Variants in NALF1 observed in about 807,000 individuals in gnomAD.
NALF1 encodes the protein NALCN channel auxiliary factor 1.
In NALF1, 3 loss-of-function variants were observed where a neutral mutation model predicts 48.4. The observed-to-expected ratio is 0.06, with a 90% confidence interval of 0.03 to 0.16. The LOEUF (loss-of-function observed/expected upper bound fraction) is 0.16. Among genes scored for constraint, NALF1 ranks in the 10% least tolerant of loss-of-function variants. The pLI, the probability that NALF1 is intolerant of heterozygous loss-of-function variation, is 1.00. For synonymous variants in NALF1, 262 were observed against 245.7 expected (o/e 1.07, Z -0.62); for missense variants, 526 against 571.5 (o/e 0.92, Z 0.81).
At chr13:107,336,893 T>C (rs1882568032) in intron 1 of NALF1, among the ~76,000 whole-genome samples, 1 of 152,030 alleles carries the variant, frequency 6.6e-6, no homozygotes, top group Non-Finnish European at 1.5e-5. Context: ...CTGTTTCTAA[T>C]CAATATTAAT....
At chr13:107,385,552 CAAA>C (rs201307018) in intron 1 of NALF1, among the ~76,000 whole-genome samples, 301 of 118,138 alleles carry the variant, frequency 2.5e-3, no homozygotes, top group Admixed American at 2.2e-3. Context: ...GATTCCATCT[CAAA>C]AAAAAAAAAA....
chr13:107,473,734 C>T (rs1191505084), intron 1 of NALF1, among the ~76,000 whole-genome samples: 3 of 152,264 alleles, frequency 2.0e-5, no homozygotes, highest in African/African-American at 7.2e-5. Flanking sequence ...GCCCTTCCAC[C>T]CTGCTCCCTG....
At chr13:107,171,944 T>A (rs1878814340) in intron 2 of NALF1, among the ~76,000 whole-genome samples, 1 of 152,150 alleles carries the variant, frequency 6.6e-6, no homozygotes, top group Admixed American at 6.5e-5. Flanking sequence ...AACATGAAAA[T>A]TTGGGCTGCT....
At chr13:107,678,684 T>G (rs1231038194) in intron 1 of NALF1, among the ~76,000 whole-genome samples, 2 of 152,202 alleles carry the variant, frequency 1.3e-5, no homozygotes, top group Non-Finnish European at 2.9e-5. Context: ...AAACTCACAA[T>G]CATGGTGGAA....
rs1026021919 is a variant in NALF1 at position 107,292,930 on chromosome 13, A to G, written c.916-82175T>C. Among the ~76,000 whole-genome samples the G allele has an allele frequency of 6.6e-5, 10 of 152,156 alleles. 1 individual carries two copies. The South Asian group carries it at 1.0e-3, about 16-fold the overall frequency. On this transcript the variant is annotated intron_variant, in intron 1 of 2. Transcript: ENST00000375915. ...GAGTGATGCCTTGTGCTACAACATT[A>G]CAATGGCTAAGACGTCACTAGGCAA...
intron 1 of NALF1, among the ~76,000 whole-genome samples, chr13:107,451,101 G>A (rs1884732025): frequency 6.6e-6 from 1 of 152,200 alleles, no homozygotes; most frequent in East Asian, 1.9e-4. Context: ...GTGCTCCACT[G>A]AGTCGACCCC....
At chr13:107,697,602 T>G (rs541340561) in intron 1 of NALF1, among the ~76,000 whole-genome samples, 12 of 152,228 alleles carry the variant, frequency 7.9e-5, no homozygotes, top group African/African-American at 2.9e-4. Context: ...CCTGAAAATT[T>G]TATTGGTTTG....
At chr13:107,606,521 G>A (rs1469486523) in intron 1 of NALF1, among the ~76,000 whole-genome samples, 1 of 151,876 alleles carries the variant, frequency 6.6e-6, no homozygotes, top group Admixed American at 6.6e-5. Flanking sequence ...GCCAGCCACA[G>A]TGCCCAGCTA....
intron 1 of NALF1, among the ~76,000 whole-genome samples, chr13:107,623,715 C>T (rs999685097): frequency 1.3e-5 from 2 of 152,160 alleles, no homozygotes; most frequent in Non-Finnish European, 2.9e-5. Context: ...CTCAACATCT[C>T]TCAAGAAACC....
At chr13:107,493,267 T>C (rs1388200824) in intron 1 of NALF1, among the ~76,000 whole-genome samples, 1 of 152,142 alleles carries the variant, frequency 6.6e-6, no homozygotes. Context: ...GAAATCTTTG[T>C]ACAATAAGAA....
chr13:107,485,715 G>A (rs1206984535), intron 1 of NALF1, among the ~76,000 whole-genome samples: 1 of 152,130 alleles, frequency 6.6e-6, no homozygotes, highest in Non-Finnish European at 1.5e-5. Flanking sequence ...AAGAAATATA[G>A]ATGCATCTGT....
chr13:107,326,722 A>G (rs1882372374), intron 1 of NALF1, among the ~76,000 whole-genome samples: 1 of 152,220 alleles, frequency 6.6e-6, no homozygotes, highest in African/African-American at 2.4e-5. Flanking sequence ...GCAGGGACAG[A>G]ATATAAGAAA....
chr13:107,413,556 T>C (rs1467950063), intron 1 of NALF1, among the ~76,000 whole-genome samples: 1 of 152,190 alleles, frequency 6.6e-6, no homozygotes, highest in Non-Finnish European at 1.5e-5. Context: ...TTACACGATG[T>C]GTAATAGGTG....
intron 1 of NALF1, among the ~76,000 whole-genome samples, chr13:107,266,045 G>A (rs2138858368): frequency 6.6e-6 from 1 of 152,272 alleles, no homozygotes; most frequent in East Asian, 1.9e-4. Flanking sequence ...CCTAAGATCA[G>A]TAAAGAAGAC....
chr13:107,304,047 G>A (rs921986268), intron 1 of NALF1, among the ~76,000 whole-genome samples: 6 of 152,008 alleles, frequency 3.9e-5, no homozygotes, highest in Admixed American at 2.0e-4. Context: ...GAACCATATC[G>A]TTTAGCCTAC....
intron 1 of NALF1, among the ~76,000 whole-genome samples, chr13:107,782,408 T>C (rs1387802760): frequency 6.6e-6 from 1 of 152,020 alleles, no homozygotes; most frequent in African/African-American, 2.4e-5. Flanking sequence ...CGCTACAACC[T>C]CCACCTCCCA....
intron 1 of NALF1, among the ~76,000 whole-genome samples, chr13:107,294,488 A>G (rs1881688250): frequency 6.6e-6 from 1 of 152,364 alleles, no homozygotes; most frequent in East Asian, 1.9e-4. Flanking sequence ...CACTGCTACA[A>G]ACAAGAGCTA....
chr13:107,435,724 CT>C lies in NALF1; in HGVS notation c.916-224970del. On this transcript the variant is annotated intron_variant, in intron 1 of 2. Transcript: ENST00000375915. ...CAATTTGATGCCTGAGATGTGGGAA[CT>C]TTTGATAAGTATTTACATCTTTCAT... 1.4e-5 allele frequency among the ~76,000 whole-genome samples: 2 copies of C among 145,562 alleles called. 1 individual carries two copies. Among genetic ancestry groups the C allele is most frequent in the South Asian group, 4.5e-4 (2 of 4,400 alleles).
intron 2 of NALF1, among the ~76,000 whole-genome samples, chr13:107,172,440 TTTAA>T (rs1249894027): frequency 1.3e-5 from 2 of 152,212 alleles, no homozygotes; most frequent in Admixed American, 6.5e-5. Flanking sequence ...TACCTATTTA[TTTAA>T]TTAAAAATAA....
Sources: gnomAD v4.1 joint callset for allele counts (sites outside exome capture counted in the v4.1 genomes callset) on GRCh38, gnomAD v4.1.1 for gene constraint, MANE v1.5 for transcripts, NCBI Gene and HGNC (gene_info 2026-07-23, HGNC 2026-07-21) for gene names.